TMTC2: variants seen among roughly 807,000 people sequenced by gnomAD.
The protein encoded by TMTC2 is transmembrane O-mannosyltransferase targeting cadherins 2.
TMTC2 carries 43 observed loss-of-function variants against 82.4 expected under a neutral mutation model. That is an observed-to-expected ratio of 0.52 (90% CI 0.41 to 0.67). TMTC2 has a LOEUF of 0.67. Among genes scored for constraint, TMTC2 ranks in the 30% least tolerant of loss-of-function variants. The probability of loss-of-function intolerance (pLI) is 0.00; values close to 1 mark genes in which losing one functional copy is unlikely to be tolerated. For synonymous variants in TMTC2, 408 were observed against 381.9 expected, an observed-to-expected ratio of 1.07 and a Z score of -0.80; for missense variants, 919 against 1,012.4, an observed-to-expected ratio of 0.91 and a Z score of 1.25.
At chr12:83,093,476 TG>T (rs113869761) in intron 11 of TMTC2, among the ~76,000 whole-genome samples, 6,446 of 152,210 alleles carry the variant, frequency 0.042, 445 homozygotes, top group African/African-American at 0.15. Context: ...CCAAATGTGT[TG>T]TACAAAATAG....
At chr12:82,886,069 C>A (rs1873083709) in intron 2 of TMTC2, among the ~76,000 whole-genome samples, 1 of 152,082 alleles carries the variant, frequency 6.6e-6, no homozygotes, top group African/African-American at 2.4e-5. Flanking sequence ...GGGTTATAAT[C>A]CACTGCCACT....
intron 11 of TMTC2, among the ~76,000 whole-genome samples, chr12:83,091,648 T>C (rs1223006725): frequency 6.6e-6 from 1 of 152,212 alleles, no homozygotes; most frequent in Non-Finnish European, 1.5e-5. Flanking sequence ...GGTATTTTCA[T>C]TTATGTATGT....
intron 1 of TMTC2, among the ~76,000 whole-genome samples, chr12:82,783,603 T>A (rs575462466): frequency 6.6e-6 from 1 of 152,162 alleles, no homozygotes; most frequent in African/African-American, 2.4e-5. Flanking sequence ...TATGATTTCA[T>A]CTGGGTTTAA....
At chr12:82,696,616 G>T (rs1205600004) in intron 1 of TMTC2, among the ~76,000 whole-genome samples, 1 of 152,008 alleles carries the variant, frequency 6.6e-6, no homozygotes, top group Non-Finnish European at 1.5e-5. Flanking sequence ...ATAAACAGTG[G>T]TGTTTTTTGG....
chr12:82,779,925 G>A (rs1269454661), intron 1 of TMTC2, among the ~76,000 whole-genome samples: 1 of 151,826 alleles, frequency 6.6e-6, no homozygotes. Flanking sequence ...TAGTTCTCAT[G>A]ATGTTACATG....
chr12:82,953,354 T>C (rs1877447814), intron 4 of TMTC2, among the ~76,000 whole-genome samples: 1 of 152,246 alleles, frequency 6.6e-6, no homozygotes, highest in Non-Finnish European at 1.5e-5. Flanking sequence ...ATTACTGTAA[T>C]TAATTCAAGT....
intron 11 of TMTC2, among the ~76,000 whole-genome samples, chr12:83,111,073 G>T (rs1367092437): frequency 1.3e-5 from 2 of 152,088 alleles, no homozygotes; most frequent in African/African-American, 4.8e-5. Context: ...TGCTATCCTG[G>T]TCAAAAGACA....
intron 2 of TMTC2, among the ~76,000 whole-genome samples, chr12:82,875,899 T>TAAAAA (rs781413116): frequency 2.6e-5 from 3 of 113,576 alleles, no homozygotes; most frequent in Admixed American, 1.9e-4. Flanking sequence ...AGCTCACGCT[T>TAAAAA]AAAAAAAAAA....
At chr12:82,911,215 G>T (rs529266689) in intron 3 of TMTC2, among the ~76,000 whole-genome samples, 9 of 152,038 alleles carry the variant, frequency 5.9e-5, no homozygotes, top group Non-Finnish European at 5.9e-5. Flanking sequence ...GTTTGGGTGT[G>T]GGGGGGCCAG....
At chr12:82,688,270 A>T (rs570604472) in intron 1 of TMTC2, among the ~76,000 whole-genome samples, 1 of 152,200 alleles carries the variant, frequency 6.6e-6, no homozygotes, top group East Asian at 1.9e-4. Context: ...TCACCAATCC[A>T]TTGGGCAGCA....
At chr12:82,937,908 C>CTTTTTTTTTTTTA (rs1876475221) in intron 4 of TMTC2, among the ~76,000 whole-genome samples, 1 of 36,622 alleles carries the variant, frequency 2.7e-5, no homozygotes, top group African/African-American at 6.0e-5. Context: ...AGATTCAAAC[C>CTTTTTTTTTTTTA]TTTTTTTTTT....
intron 2 of TMTC2, among the ~76,000 whole-genome samples, chr12:82,870,518 G>A (rs1384044225): frequency 2.0e-5 from 3 of 152,150 alleles, no homozygotes; most frequent in Admixed American, 2.0e-4. Context: ...ATTAAAAGTA[G>A]GGCAGCTCAA....
At chr12:82,970,987 T>C (rs1221052831) in intron 7 of TMTC2, among the ~76,000 whole-genome samples, 2 of 152,172 alleles carry the variant, frequency 1.3e-5, no homozygotes, top group African/African-American at 2.4e-5. Flanking sequence ...CATCTAGACC[T>C]AACCAAAATT....
intron 7 of TMTC2, among the ~76,000 whole-genome samples, chr12:82,983,008 T>G (rs887014048): frequency 6.6e-6 from 1 of 151,886 alleles, no homozygotes. Flanking sequence ...GAAAAACTGT[T>G]TCATCTTGCA....
At chr12:82,696,245 T>C (rs1252797160) in intron 1 of TMTC2, among the ~76,000 whole-genome samples, 3 of 152,232 alleles carry the variant, frequency 2.0e-5, no homozygotes, top group African/African-American at 7.2e-5. Flanking sequence ...GAGGCAATTA[T>C]TTATAGCTGA....
intron 1 of TMTC2, among the ~76,000 whole-genome samples, chr12:82,728,347 G>GA: frequency 6.6e-6 from 1 of 151,238 alleles, no homozygotes; most frequent in African/African-American, 2.4e-5. Context: ...TTATAAAAAG[G>GA]TTTTTTTTTG....
chr12:82,972,595 T>C (rs1388663039), intron 7 of TMTC2, among the ~76,000 whole-genome samples: 1 of 152,154 alleles, frequency 6.6e-6, no homozygotes, highest in Non-Finnish European at 1.5e-5. Flanking sequence ...TTGTGTGAAT[T>C]TTAGAATTGT....
chr12:83,023,298 C>T (rs1037849859), intron 8 of TMTC2, among the ~76,000 whole-genome samples: 6 of 152,258 alleles, frequency 3.9e-5, no homozygotes, highest in African/African-American at 1.4e-4. Context: ...AAATTCTGAC[C>T]ATTATTTTTT....
In TMTC2 at chr12:83,005,023, G is replaced by T. The variant is rs1025755650; in HGVS notation, c.2070+18977G>T. On this transcript the variant is annotated intron_variant, in intron 8 of 11. Transcript: ENST00000321196. ...AAAAAACAGCCGAGTGGCCAATATG[G>T]TGAAACACTGTCTCTACTAAAAATA... is the stretch of plus-strand genomic sequence containing the variant. 1.0e-3 allele frequency among the ~76,000 whole-genome samples: 137 copies of T among 132,136 alleles called. 1 individual carries two copies. The highest frequency in any genetic ancestry group is 1.8e-3 in the Non-Finnish European group (111 of 61,676). The allele number at this position is 132,136 out of a possible 152,430, so 86.7% of individuals were successfully genotyped here. A position where few individuals can be genotyped will look rare whatever the true frequency, so the allele number is the denominator to read the frequency against.
Sources: allele counts gnomAD v4.1 joint callset (sites outside exome capture counted in the v4.1 genomes callset), GRCh38; gene constraint gnomAD v4.1.1; transcripts MANE v1.5; gene names NCBI Gene and HGNC (gene_info 2026-07-23, HGNC 2026-07-21).